The following PNPT1 variants were observed in gnomAD, a reference collection of about 807,000 sequenced individuals.
PNPT1 encodes polyribonucleotide nucleotidyltransferase 1, mitochondrial.
A neutral mutation model predicts 119.5 loss-of-function variants in PNPT1; 53 were observed. That is an observed-to-expected ratio of 0.44 (90% confidence interval 0.36 to 0.56). The LOEUF is 0.56. PNPT1 is among the 20% of genes least tolerant of loss of function. The pLI, the probability that PNPT1 is intolerant of heterozygous loss-of-function variation, is 0.00. For missense variants in PNPT1, 948 were observed against 938.5 expected (o/e 1.01, Z -0.13); for synonymous variants, 357 against 322.1 (o/e 1.11, Z -1.16).
At chr2:55,650,544 C>T (rs1183708663) in intron 18 of PNPT1, among the ~76,000 whole-genome samples, 1 of 152,194 alleles carries the variant, frequency 6.6e-6, no homozygotes, top group African/African-American at 2.4e-5. Context: ...GCCGAGATTG[C>T]AGCCTCTGCC....
At chr2:55,657,228 C>T (rs2586952) in intron 15 of PNPT1, among the ~76,000 whole-genome samples, 72,372 of 151,198 alleles carry the variant, frequency 0.48, 18,550 homozygotes, top group Non-Finnish European at 0.57. Context: ...ACTCATGAGG[C>T]TGAGGCACAA....
At chr2:55,655,035 A>G (rs13034605) in intron 17 of PNPT1, 82 bp from the exon 18 acceptor site, 1 of 1,265,842 alleles carries the variant, frequency 7.9e-7, no homozygotes, top group Non-Finnish European at 1.1e-6. Context: ...TTTCCTTATA[A>G]ATATTCAGTT....
At chr2:55,674,523 G>A (rs1697006776) in intron 8 of PNPT1, among the ~76,000 whole-genome samples, 1 of 152,130 alleles carries the variant, frequency 6.6e-6, no homozygotes, top group Non-Finnish European at 1.5e-5. Context: ...AACCCAGGAG[G>A]TGGAGGTTGC....
intron 17 of PNPT1, 113 bp from the exon 18 acceptor site, chr2:55,655,066 T>G: frequency 9.5e-7 from 1 of 1,047,220 alleles, no homozygotes. Context: ...TATTCAATAG[T>G]CTCTTCTTTT....
At chr2:55,681,180 G>GC (rs2104158373) in intron 5 of PNPT1, among the ~76,000 whole-genome samples, 1 of 152,184 alleles carries the variant, frequency 6.6e-6, no homozygotes, top group Middle Eastern at 3.4e-3. Context: ...GCTGAGGAGG[G>GC]CGGATCACCT....
chr2:55,638,119 T>C (rs1695729528), intron 26 of PNPT1, among the ~76,000 whole-genome samples: 1 of 150,298 alleles, frequency 6.7e-6, no homozygotes, highest in Non-Finnish European at 1.5e-5. Context: ...CTGACCAACA[T>C]GGTGAAACCC....
intron 5 of PNPT1, among the ~76,000 whole-genome samples, chr2:55,682,270 C>A (rs1028695985): frequency 2.0e-5 from 3 of 151,618 alleles, no homozygotes; most frequent in African/African-American, 7.3e-5. Context: ...CCAGTCTGGC[C>A]AACATGGCAA....
At chr2:55,646,583 A>G (rs1394305703) in intron 19 of PNPT1, 97 bp from the exon 20 acceptor site, 31 of 913,202 alleles carry the variant, frequency 3.4e-5, no homozygotes, top group Non-Finnish European at 5.2e-5. Flanking sequence ...TTAGAAGTAA[A>G]CCATATCCTA....
At chr2:55,644,796 G>T in intron 22 of PNPT1, 76 bp from the exon 23 acceptor site, 6 of 993,146 alleles carry the variant, frequency 6.0e-6, no homozygotes, top group Non-Finnish European at 5.7e-6. Flanking sequence ...GGTCACTTGA[G>T]ATTTTTTTTT....
chr2:55,683,866 TACTG>T, intron 4 of PNPT1, 32 bp from the exon 5 acceptor site: 1 of 1,604,692 alleles, frequency 6.2e-7, no homozygotes, highest in South Asian at 1.1e-5. Flanking sequence ...CATTAAACCG[TACTG>T]ACAGAGTTGC....
rs138336653 is a variant in PNPT1, at chr2:55,676,451, A to G, written c.679+3231T>C. On this transcript the variant is annotated intron_variant, in intron 8 of 27. Transcript: ENST00000447944. ...CACACAGAAATATTAGTGATATTAA[A>G]TATACCAGTTGAAAACAAACATCTA... Among the ~76,000 whole-genome samples, 602 of 152,278 alleles carry G rather than the reference A, an allele frequency of 4.0e-3. 3 individuals are homozygous for G. The highest frequency in any genetic ancestry group is 0.014 in the African/African-American group (584 of 41,546).
chr2:55,647,214 C>T, intron 19 of PNPT1, 133 bp downstream of exon 19: 1 of 612,276 alleles, frequency 1.6e-6, no homozygotes, highest in South Asian at 3.2e-5. Context: ...TCTTCAAATA[C>T]TAGCATTCTT....
intron 15 of PNPT1, among the ~76,000 whole-genome samples, chr2:55,659,654 A>T (rs1219680295): frequency 1.3e-5 from 2 of 152,142 alleles, no homozygotes; most frequent in Non-Finnish European, 2.9e-5. Context: ...TCTCTAAAGT[A>T]GTACTTTAGA....
At chr2:55,688,317 G>A (rs962191681) in intron 1 of PNPT1, among the ~76,000 whole-genome samples, 5 of 152,068 alleles carry the variant, frequency 3.3e-5, no homozygotes, top group African/African-American at 7.2e-5. Flanking sequence ...TGGGATTACA[G>A]GTATGAGCCA....
At chr2:55,661,421 T>A (rs1252963546) in intron 14 of PNPT1, among the ~76,000 whole-genome samples, 1 of 152,102 alleles carries the variant, frequency 6.6e-6, no homozygotes, top group Non-Finnish European at 1.5e-5. Context: ...ATCATCAGAA[T>A]TGATTTGGCC....
chr2:55,692,930 T>C (rs1221372290), intron 1 of PNPT1, among the ~76,000 whole-genome samples: 1 of 152,128 alleles, frequency 6.6e-6, no homozygotes, highest in Non-Finnish European at 1.5e-5. Context: ...TTTGCTTTTG[T>C]TTCTCTCTGT....
chr2:55,670,051 G>A (rs963817812), intron 11 of PNPT1, among the ~76,000 whole-genome samples: 2 of 151,956 alleles, frequency 1.3e-5, no homozygotes, highest in Non-Finnish European at 2.9e-5. Context: ...GAGCCACCAC[G>A]CCTGGCCAGT....
chr2:55,655,082 G>GC, intron 17 of PNPT1, 129 bp from the exon 18 acceptor site: 1 of 857,460 alleles, frequency 1.2e-6, no homozygotes, highest in Non-Finnish European at 1.8e-6. Flanking sequence ...CTTTTTAAAA[G>GC]CAACTAAGGC....
intron 1 of PNPT1, 142 bp downstream of exon 1, chr2:55,693,521 G>A (rs1204927362): frequency 4.9e-6 from 6 of 1,233,298 alleles, no homozygotes; most frequent in African/African-American, 3.0e-5. Context: ...AACCCGGAAA[G>A]GGAAATTTGG....
Sources: allele counts gnomAD v4.1 joint callset (sites outside exome capture counted in the v4.1 genomes callset), GRCh38; gene constraint gnomAD v4.1.1; transcripts MANE v1.5; gene names NCBI Gene and HGNC (gene_info 2026-07-23, HGNC 2026-07-21).